FNDC3B: variants seen among roughly 807,000 people sequenced by gnomAD.
FNDC3B encodes the protein fibronectin type III domain-containing protein 3B.
A neutral mutation model predicts 151.5 loss-of-function variants in FNDC3B; 12 were observed. The ratio of observed to expected loss-of-function variants is 0.08; its 90% CI spans 0.05 to 0.13. The LOEUF (loss-of-function observed/expected upper bound fraction) is 0.13. Among genes scored for constraint, FNDC3B ranks in the 10% least tolerant of loss-of-function variants. The probability of loss-of-function intolerance (pLI) is 1.00; values close to 1 mark genes in which losing one functional copy is unlikely to be tolerated. For missense variants in FNDC3B, 1,214 were observed against 1,505.3 expected (o/e 0.81, Z 3.20); for synonymous variants, 528 against 549.0 (o/e 0.96, Z 0.54).
At chr3:172,366,574 A>T (rs2108349454) in intron 23 of FNDC3B, among the ~76,000 whole-genome samples, 1 of 152,298 alleles carries the variant, frequency 6.6e-6, no homozygotes, top group South Asian at 2.1e-4. Context: ...TCAGTATTAG[A>T]TGGACAAAGA....
At chr3:172,100,546 A>G (rs1372122396) in intron 1 of FNDC3B, among the ~76,000 whole-genome samples, 8 of 152,220 alleles carry the variant, frequency 5.3e-5, no homozygotes, top group African/African-American at 1.7e-4. Context: ...TAATATGACT[A>G]TATACATACT....
At chr3:172,222,227 A>G (rs1726310019) in intron 3 of FNDC3B, among the ~76,000 whole-genome samples, 1 of 152,224 alleles carries the variant, frequency 6.6e-6, no homozygotes, top group Admixed American at 6.5e-5. Flanking sequence ...TGAATTCATT[A>G]TCAGATTATA....
At chr3:172,265,819 A>G (rs1050290277) in intron 6 of FNDC3B, among the ~76,000 whole-genome samples, 3 of 152,216 alleles carry the variant, frequency 2.0e-5, no homozygotes, top group Admixed American at 2.0e-4. Context: ...CCTACTACCA[A>G]AAGAACATTC....
At chr3:172,194,074 G>T (rs971280432) in intron 3 of FNDC3B, among the ~76,000 whole-genome samples, 3 of 152,038 alleles carry the variant, frequency 2.0e-5, no homozygotes, top group Non-Finnish European at 2.9e-5. Context: ...CAAAAAATTA[G>T]CTGGGCGAGG....
intron 4 of FNDC3B, among the ~76,000 whole-genome samples, chr3:172,243,001 C>A (rs960086099): frequency 6.6e-6 from 1 of 152,144 alleles, no homozygotes; most frequent in Non-Finnish European, 1.5e-5. Context: ...AGTTCAAAGT[C>A]CCACAAATCT....
intron 3 of FNDC3B, among the ~76,000 whole-genome samples, chr3:172,154,296 A>G (rs1576914939): frequency 6.6e-6 from 1 of 151,928 alleles, no homozygotes; most frequent in African/African-American, 2.4e-5. Context: ...GTGCACTGCA[A>G]CCTCCACCTT....
chr3:172,189,401 A>G (rs1390008959), intron 3 of FNDC3B, among the ~76,000 whole-genome samples: 2 of 152,144 alleles, frequency 1.3e-5, no homozygotes, highest in East Asian at 1.9e-4. Context: ...TTCTATGACA[A>G]GGTGTTCCTA....
intron 3 of FNDC3B, among the ~76,000 whole-genome samples, chr3:172,184,965 T>C (rs763553950): frequency 6.6e-6 from 1 of 152,148 alleles, no homozygotes; most frequent in Non-Finnish European, 1.5e-5. Flanking sequence ...AGACTCAAAA[T>C]ACAAACATTA....
At chr3:172,281,221 A>ATTTC (rs771679114) in intron 6 of FNDC3B, among the ~76,000 whole-genome samples, 2 of 109,712 alleles carry the variant, frequency 1.8e-5, no homozygotes, top group Non-Finnish European at 3.9e-5. Context: ...ATTTATATTT[A>ATTTC]TTTATTTATT....
At chr3:172,207,983 GGGTTGAAGTGTA>G (rs1209697123) in intron 3 of FNDC3B, among the ~76,000 whole-genome samples, 1 of 152,156 alleles carries the variant, frequency 6.6e-6, no homozygotes, top group East Asian at 1.9e-4. Flanking sequence ...TAAAATTAAA[GGGTTGAAGTGTA>G]GCTTAGTAAA....
intron 10 of FNDC3B, among the ~76,000 whole-genome samples, chr3:172,308,275 T>A (rs1361060086): frequency 6.6e-6 from 1 of 152,240 alleles, no homozygotes; most frequent in Non-Finnish European, 1.5e-5. Context: ...GAGATCATAT[T>A]GCCCCTTCCT....
At chr3:172,198,683 A>G (rs1406141013) in intron 3 of FNDC3B, among the ~76,000 whole-genome samples, 1 of 152,008 alleles carries the variant, frequency 6.6e-6, no homozygotes, top group Non-Finnish European at 1.5e-5. Context: ...CCATTCTTTT[A>G]TGTGGATACT....
At chr3:172,168,129 C>A (rs1424192500) in intron 3 of FNDC3B, among the ~76,000 whole-genome samples, 2 of 152,182 alleles carry the variant, frequency 1.3e-5, no homozygotes, top group Non-Finnish European at 2.9e-5. Context: ...TATAATAAAT[C>A]TTATGTATGC....
Position 172,245,039 on chromosome 3 carries a change from T to C in FNDC3B, c.265-2494T>C, listed in dbSNP as rs970296749. On this transcript the variant is annotated intron_variant, in intron 4 of 25. Coordinates refer to ENST00000415807, the MANE Select transcript of FNDC3B (RefSeq NM_022763.4). The stretch of plus-strand genomic sequence containing the variant: ...CATGCACATGTAAATAAAAACCTTT[T>C]ACAAATCCCACAGAATAAGATACTT... 3.3e-5 allele frequency among the ~76,000 whole-genome samples: 5 copies of C among 152,308 alleles called. No individual in the cohort carries two copies. The Middle Eastern group carries it at 0.01, about 311-fold the overall frequency.
At chr3:172,268,716 C>A (rs1239959843) in intron 6 of FNDC3B, among the ~76,000 whole-genome samples, 1 of 152,190 alleles carries the variant, frequency 6.6e-6, no homozygotes, top group Non-Finnish European at 1.5e-5. Flanking sequence ...CATTATGTTA[C>A]CTCTCTGGAA....
At chr3:172,327,427 A>C (rs1270601687) in intron 11 of FNDC3B, among the ~76,000 whole-genome samples, 1 of 151,934 alleles carries the variant, frequency 6.6e-6, no homozygotes, top group East Asian at 1.9e-4. Context: ...GGAGGACGGA[A>C]TCTCACTCTG....
chr3:172,308,008 A>G (rs989853664), intron 10 of FNDC3B, among the ~76,000 whole-genome samples: 1 of 152,218 alleles, frequency 6.6e-6, no homozygotes, highest in African/African-American at 2.4e-5. Context: ...GGACTTTAGC[A>G]AAAAGTTTTT....
chr3:172,255,725 GT>G lies in FNDC3B; in HGVS notation c.790+4186del, dbSNP rs201799135. Among the ~76,000 whole-genome samples, 1,347 of 152,312 alleles carry G rather than the reference GT, an allele frequency of 8.8e-3. 24 individuals carry two copies. Among genetic ancestry groups the G allele is most frequent in the African/African-American group, 0.03 (1,259 of 41,568 alleles). ...ACACTTCCAGGCTCTTTTAAGAAAG[GT>G]TGCCACTGGGTAGAAACGTACAGAT... On this transcript the variant is annotated intron_variant, in intron 6 of 25. Coordinates refer to ENST00000415807, the MANE Select transcript of FNDC3B (RefSeq NM_022763.4).
intron 1 of FNDC3B, among the ~76,000 whole-genome samples, chr3:172,041,188 T>C (rs1055010661): frequency 2.0e-5 from 3 of 152,128 alleles, no homozygotes; most frequent in Non-Finnish European, 2.9e-5. Flanking sequence ...CCCTCTTCCC[T>C]CCCAGGCTTA....
Sources: allele counts gnomAD v4.1 joint callset (sites outside exome capture counted in the v4.1 genomes callset), GRCh38; gene constraint gnomAD v4.1.1; transcripts MANE v1.5; gene names NCBI Gene and HGNC (gene_info 2026-07-23, HGNC 2026-07-21).